Variants in MARCHF8 observed in about 807,000 individuals in gnomAD.
MARCHF8 encodes membrane associated ring-CH-type finger 8.
MARCHF8 carries 40 observed loss-of-function variants against 51.6 expected under a neutral mutation model. The observed-to-expected ratio is 0.77, with a 90% CI of 0.60 to 1.01. The LOEUF is 1.01. Among genes scored for constraint, MARCHF8 ranks in the 50% least tolerant of loss-of-function variants. MARCHF8 has a pLI of 0.00. For synonymous variants in MARCHF8, 263 were observed against 280.3 expected (o/e 0.94, Z 0.62); for missense variants, 685 against 708.6 (o/e 0.97, Z 0.38).
chr10:45,493,964 A>G (rs1361340238), intron 2 of MARCHF8, among the ~76,000 whole-genome samples: 1 of 152,222 alleles, frequency 6.6e-6, no homozygotes, highest in Non-Finnish European at 1.5e-5. Flanking sequence ...CTCATGTTTT[A>G]AAAAGCAAAT....
At chr10:45,530,706 G>A (rs1471860648) in intron 2 of MARCHF8, among the ~76,000 whole-genome samples, 3 of 152,150 alleles carry the variant, frequency 2.0e-5, no homozygotes, top group African/African-American at 4.8e-5. Flanking sequence ...CCAGGAGTTC[G>A]TGGCTGCGGT....
intron 2 of MARCHF8, among the ~76,000 whole-genome samples, chr10:45,523,049 A>AT (rs1196108972): frequency 6.6e-6 from 1 of 151,638 alleles, no homozygotes; most frequent in African/African-American, 2.4e-5. Flanking sequence ...ATGTGCAAGC[A>AT]TTTTTTTAGA....
chr10:45,528,486 G>T (rs1298967726), intron 2 of MARCHF8, among the ~76,000 whole-genome samples: 1 of 152,086 alleles, frequency 6.6e-6, no homozygotes, highest in Non-Finnish European at 1.5e-5. Flanking sequence ...TTTTGAAACG[G>T]TCTCACTCTG....
At chr10:45,494,735 C>A (rs1165951532) in intron 2 of MARCHF8, among the ~76,000 whole-genome samples, 11 of 152,176 alleles carry the variant, frequency 7.2e-5, no homozygotes, top group African/African-American at 2.7e-4. Context: ...AGACGTAATA[C>A]CACGAAGTAA....
At chr10:45,509,591 A>C (rs1281865993) in intron 2 of MARCHF8, among the ~76,000 whole-genome samples, 14 of 152,238 alleles carry the variant, frequency 9.2e-5, no homozygotes, top group Admixed American at 8.5e-4. Flanking sequence ...AATGATGCTC[A>C]TTCAATCAAA....
intron 2 of MARCHF8, among the ~76,000 whole-genome samples, chr10:45,530,392 T>C (rs762494456): frequency 6.6e-6 from 1 of 152,252 alleles, no homozygotes; most frequent in African/African-American, 2.4e-5. Context: ...ATAATAACAA[T>C]ATGAGAAACT....
rs1842684812 is a variant in MARCHF8, at chr10:45,458,553, A to G, written c.1418-10T>C. ...GGCCATTCTAGGATTCCTGGAAGGGAAAAACTCAGCCTATTAGATTTTATT... is the reference window on the plus strand; with the variant it reads ...GGCCATTCTAGGATTCCTGGAAGGGGAAAACTCAGCCTATTAGATTTTATT... On this transcript the variant is annotated splice_polypyrimidine_tract_variant and intron_variant, in intron 7 of 7. Transcript: ENST00000453424. 3 of 1,568,966 alleles carry G rather than the reference A, an allele frequency of 1.9e-6. No homozygotes were observed. The highest frequency in any genetic ancestry group is 2.6e-6 in the Non-Finnish European group (3 of 1,161,332).
At chr10:45,462,687 G>A (rs1017450711) in intron 5 of MARCHF8, among the ~76,000 whole-genome samples, 38 of 151,002 alleles carry the variant, frequency 2.5e-4, no homozygotes, top group African/African-American at 7.3e-4. Context: ...GTGCAATGGC[G>A]CAATCTTGGC....
At chr10:45,570,207 TA>T (rs932598063) in intron 1 of MARCHF8, among the ~76,000 whole-genome samples, 2 of 152,086 alleles carry the variant, frequency 1.3e-5, no homozygotes, top group African/African-American at 4.8e-5. Context: ...TTTTCATTTA[TA>T]AAAAAACTAT....
chr10:45,472,406 G>C (rs992830963), intron 3 of MARCHF8, among the ~76,000 whole-genome samples: 2 of 152,208 alleles, frequency 1.3e-5, no homozygotes, highest in Admixed American at 6.5e-5. Context: ...CCTCTGGGGA[G>C]ACTGTGCCTC....
chr10:45,491,394 C>T (rs58421161), intron 2 of MARCHF8, among the ~76,000 whole-genome samples: 2,721 of 152,114 alleles, frequency 0.018, 81 homozygotes, highest in African/African-American at 0.061. Flanking sequence ...AAAAATTAGC[C>T]GGGCATGGTG....
rs2043542969 is a variant in MARCHF8, at chr10:45,512,549, G to A, written c.102+20561C>T. 2.0e-5 allele frequency among the ~76,000 whole-genome samples: 3 copies of A among 150,526 alleles called. No individual in the cohort carries two copies. The South Asian group carries it at 6.4e-4, about 32-fold the overall frequency. ...GCGCCTCTGCCCGGCCGCTCCTACT[G>A]GGAAGTGAGGAGCCCCTCTGCCCGG... On this transcript the variant is annotated intron_variant, in intron 2 of 7. Transcript: ENST00000453424.
At chr10:45,579,938 G>A (rs1038605779) in intron 1 of MARCHF8, among the ~76,000 whole-genome samples, 4 of 148,682 alleles carry the variant, frequency 2.7e-5, no homozygotes, top group East Asian at 2.0e-4. Flanking sequence ...GCTTGAACTC[G>A]GGAGGCGGAG....
chr10:45,495,840 A>G (rs1350048185), intron 2 of MARCHF8, among the ~76,000 whole-genome samples: 1 of 150,210 alleles, frequency 6.7e-6, no homozygotes, highest in Non-Finnish European at 1.5e-5. Flanking sequence ...AAGAGAAAAG[A>G]GAAAAAAGAA....
chr10:45,472,807 C>CG (rs2042718228), intron 3 of MARCHF8, among the ~76,000 whole-genome samples: 1 of 152,182 alleles, frequency 6.6e-6, no homozygotes, highest in African/African-American at 2.4e-5. Flanking sequence ...GGGAGCTGAA[C>CG]GGAAACACTG....
At chr10:45,536,870 A>G (rs147818958), upstream of MARCHF8, among the ~76,000 whole-genome samples, 339 of 147,910 alleles carry the variant, frequency 2.3e-3, 2 homozygotes, top group African/African-American at 6.8e-3. Context: ...AATAATAATA[A>G]TAATAATAAT....
chr10:45,487,155 C>T (rs73285378), intron 3 of MARCHF8, among the ~76,000 whole-genome samples: 2,986 of 152,226 alleles, frequency 0.02, 99 homozygotes, highest in African/African-American at 0.067. Context: ...AGAGAGATGT[C>T]CTTTTTCAAA....
At chr10:45,592,725 A>C (rs994488689) in intron 1 of MARCHF8, among the ~76,000 whole-genome samples, 4 of 152,198 alleles carry the variant, frequency 2.6e-5, no homozygotes, top group African/African-American at 9.6e-5. Context: ...GCTTGAATCA[A>C]TTCATTCCCA....
At chr10:45,540,711 C>T (rs1269285865) in intron 1 of MARCHF8, among the ~76,000 whole-genome samples, 4 of 152,062 alleles carry the variant, frequency 2.6e-5, no homozygotes. Context: ...TGAACTCAAA[C>T]AAATTTACAA....
Sources: gnomAD v4.1 joint callset for allele counts (sites outside exome capture counted in the v4.1 genomes callset) on GRCh38, gnomAD v4.1.1 for gene constraint, MANE v1.5 for transcripts, NCBI Gene and HGNC (gene_info 2026-07-23, HGNC 2026-07-21) for gene names.